The following EYS variants were observed in gnomAD, a reference collection of about 807,000 sequenced individuals.
EYS encodes EGF-like photoreceptor maintenance factor.
A neutral mutation model predicts 282.1 loss-of-function variants in EYS; 250 were observed. That is an observed-to-expected ratio of 0.89 (90% CI 0.80 to 0.98). EYS has a LOEUF of 0.98. Ranked by LOEUF, EYS falls within the 50% of genes least tolerant of loss-of-function variation. EYS has a pLI of 0.00. For missense variants in EYS, 4,016 were observed against 3,709.0 expected (o/e 1.08, Z -2.15); for synonymous variants, 1,355 against 1,282.9 (o/e 1.06, Z -1.20).
intron 12 of EYS, among the ~76,000 whole-genome samples, chr6:65,229,246 A>G (rs917737435): frequency 6.6e-6 from 1 of 150,884 alleles, no homozygotes; most frequent in African/African-American, 2.4e-5. Context: ...GACCATTTGA[A>G]CAACTAGTGT....
chr6:64,299,924 T>G (rs1290095874), intron 30 of EYS, among the ~76,000 whole-genome samples: 2 of 152,174 alleles, frequency 1.3e-5, no homozygotes, highest in Middle Eastern at 3.4e-3. Context: ...GGAAGAACTG[T>G]TACCTACCTT....
intron 15 of EYS, among the ~76,000 whole-genome samples, chr6:64,937,518 T>A (rs1388384654): frequency 6.6e-6 from 1 of 151,394 alleles, no homozygotes; most frequent in Non-Finnish European, 1.5e-5. Flanking sequence ...ATACACGAGG[T>A]CAGAAAGCAC....
intron 35 of EYS, among the ~76,000 whole-genome samples, chr6:63,924,858 A>G (rs1349952697): frequency 6.6e-6 from 1 of 152,218 alleles, no homozygotes; most frequent in Non-Finnish European, 1.5e-5. Flanking sequence ...AATGGGAAAT[A>G]AATAATATAT....
intron 12 of EYS, among the ~76,000 whole-genome samples, chr6:65,075,543 G>T (rs936626121): frequency 6.6e-5 from 10 of 151,962 alleles, no homozygotes; most frequent in Non-Finnish European, 1.5e-4. Context: ...ATCTGAGGAA[G>T]TTCGGGTTAA....
intron 13 of EYS, among the ~76,000 whole-genome samples, chr6:65,004,204 G>T (rs570326102): frequency 1.4e-5 from 2 of 147,360 alleles, no homozygotes; most frequent in African/African-American, 4.8e-5. Flanking sequence ...AATTGCAAAG[G>T]TTAATTCTGA....
At chr6:65,510,736 T>A (rs1158730168) in intron 2 of EYS, among the ~76,000 whole-genome samples, 1 of 152,214 alleles carries the variant, frequency 6.6e-6, no homozygotes, top group Non-Finnish European at 1.5e-5. Flanking sequence ...AGACTTGAAG[T>A]ATGTCAGTTT....
At chr6:64,312,445 G>T (rs1046787948) in intron 29 of EYS, among the ~76,000 whole-genome samples, 11 of 152,112 alleles carry the variant, frequency 7.2e-5, no homozygotes, top group African/African-American at 2.4e-4. Context: ...GGGTGGCTGT[G>T]GGGGCAGCTT....
intron 26 of EYS, among the ~76,000 whole-genome samples, chr6:64,588,079 T>C (rs576532777): frequency 6.6e-6 from 1 of 152,124 alleles, no homozygotes; most frequent in Admixed American, 6.6e-5. Context: ...AAGTTAGAAA[T>C]AAGTTAATTT....
intron 12 of EYS, among the ~76,000 whole-genome samples, chr6:65,097,886 G>A (rs1013968273): frequency 2.0e-5 from 3 of 150,556 alleles, no homozygotes; most frequent in Non-Finnish European, 3.0e-5. Flanking sequence ...AAAAATTTCC[G>A]TTATACAAGG....
rs1418640471 is a variant in EYS, at chr6:64,081,929, C to T, written c.6498G>A (p.Glu2166=). The part of the protein sequence containing the change: ...LELPFLKFVL[E]KEHNRTVTIY... The stretch of plus-strand genomic sequence containing the variant: ...TGGTAACAGTTCTGTTATGTTCCTT[C>T]TCCAGGACAAACTTCAAAAAGGGCA... The change falls in exon 32 of 43, where the codon GAG becomes GAA. Residue 2166 remains glutamate, a synonymous_variant. Coordinates refer to ENST00000503581, the MANE Select transcript of EYS (RefSeq NM_001142800.2). The T allele has an allele frequency of 1.3e-6, 2 of 1,544,098 alleles. No individual in the cohort carries two copies. Among genetic ancestry groups the T allele is most frequent in the Admixed American group, 2.0e-5 (1 of 50,914 alleles).
At chr6:64,684,123 C>A (rs1770000571) in intron 22 of EYS, among the ~76,000 whole-genome samples, 1 of 152,092 alleles carries the variant, frequency 6.6e-6, no homozygotes, top group African/African-American at 2.4e-5. Flanking sequence ...AAGAAAATAT[C>A]TTAAAAGCAA....
At chr6:63,737,364 G>GT (rs1271911272) in intron 41 of EYS, among the ~76,000 whole-genome samples, 72 of 151,916 alleles carry the variant, frequency 4.7e-4, no homozygotes, top group African/African-American at 1.7e-3. Context: ...TTTTGTCTTT[G>GT]GTTCTGTTTA....
intron 12 of EYS, among the ~76,000 whole-genome samples, chr6:65,226,815 T>G (rs1405759708): frequency 1.3e-5 from 2 of 152,212 alleles, no homozygotes; most frequent in East Asian, 3.8e-4. Flanking sequence ...ATCAATACTT[T>G]TATACAAATT....
At chr6:63,887,492 A>G (rs944136629) in intron 35 of EYS, among the ~76,000 whole-genome samples, 3 of 151,986 alleles carry the variant, frequency 2.0e-5, no homozygotes, top group African/African-American at 7.2e-5. Flanking sequence ...GACAATGGGT[A>G]CAGCCCACAG....
rs1352890239 is a variant in EYS at position 65,484,927 on chromosome 6, A to C, written c.862+5667T>G. 3.3e-5 allele frequency among the ~76,000 whole-genome samples: 5 copies of C among 152,308 alleles called. No homozygotes were observed. In the South Asian group the frequency reaches 1.0e-3, roughly 32 times the overall value. ...TTTATGTTTGTCTATGGCTGCTTTC[A>C]TGCTGCAATAGCAGAGTTGAATCAT... On this transcript the variant is annotated intron_variant, in intron 5 of 42. Transcript: ENST00000503581.
intron 33 of EYS, among the ~76,000 whole-genome samples, chr6:64,029,366 G>A (rs567335859): frequency 5.7e-4 from 87 of 152,256 alleles, no homozygotes; most frequent in South Asian, 6.2e-4. Context: ...TAGTGTCAGA[G>A]GCTATTAAAA....
intron 19 of EYS, among the ~76,000 whole-genome samples, chr6:64,850,421 C>A (rs1362329818): frequency 6.6e-6 from 1 of 151,930 alleles, no homozygotes; most frequent in Non-Finnish European, 1.5e-5. Flanking sequence ...AATACATGAC[C>A]CCCATAATCT....
chr6:64,877,294 T>A (rs921191521), intron 19 of EYS, among the ~76,000 whole-genome samples: 7 of 152,112 alleles, frequency 4.6e-5, no homozygotes, highest in African/African-American at 1.7e-4. Flanking sequence ...TACTAATCAG[T>A]CTGAGGTATT....
chr6:63,875,035 T>C (rs956112358), intron 35 of EYS, among the ~76,000 whole-genome samples: 10 of 152,226 alleles, frequency 6.6e-5, no homozygotes, highest in Non-Finnish European at 1.2e-4. Flanking sequence ...AGAGAGGGCA[T>C]CCCTGTCTTG....
Sources: gnomAD v4.1 joint callset for allele counts (sites outside exome capture counted in the v4.1 genomes callset) on GRCh38, gnomAD v4.1.1 for gene constraint, MANE v1.5 for transcripts, NCBI Gene and HGNC (gene_info 2026-07-23, HGNC 2026-07-21) for gene names.